GALNTL6: variants seen among roughly 807,000 people sequenced by gnomAD.
The protein encoded by GALNTL6 is polypeptide N-acetylgalactosaminyltransferase like 6.
GALNTL6 carries 46 observed loss-of-function variants against 73.7 expected under a neutral mutation model. That is an observed-to-expected ratio of 0.62 (90% CI 0.49 to 0.80). The LOEUF is 0.80. Among genes scored for constraint, GALNTL6 ranks in the 30% least tolerant of loss-of-function variants. The pLI is 0.00. For missense variants in GALNTL6, 604 were observed against 755.0 expected (o/e 0.80, Z 2.34); for synonymous variants, 259 against 263.7 (o/e 0.98, Z 0.17).
chr4:172,850,761 G>A (rs1743772751), intron 7 of GALNTL6, among the ~76,000 whole-genome samples: 1 of 152,082 alleles, frequency 6.6e-6, no homozygotes. Flanking sequence ...CCCCTTTTAC[G>A]GGTTCTATTA....
At chr4:173,004,063 A>G (rs1320698562) in intron 10 of GALNTL6, among the ~76,000 whole-genome samples, 2 of 152,208 alleles carry the variant, frequency 1.3e-5, no homozygotes, top group African/African-American at 2.4e-5. Context: ...AGCTTTAAAA[A>G]GGACAGGAGG....
At chr4:172,728,795 T>C (rs566035129) in intron 5 of GALNTL6, among the ~76,000 whole-genome samples, 86 of 152,312 alleles carry the variant, frequency 5.6e-4, no homozygotes, top group African/African-American at 2.0e-3. Flanking sequence ...TTTGAGGAGA[T>C]TCCATAATGT....
intron 5 of GALNTL6, among the ~76,000 whole-genome samples, chr4:172,641,913 G>GC (rs1740000624): frequency 6.6e-6 from 1 of 151,908 alleles, no homozygotes; most frequent in South Asian, 2.1e-4. Flanking sequence ...GAAAAAATGG[G>GC]CGGAGGACCT....
intron 2 of GALNTL6, among the ~76,000 whole-genome samples, chr4:172,179,734 G>A (rs1427884146): frequency 6.6e-6 from 1 of 151,598 alleles, no homozygotes; most frequent in Non-Finnish European, 1.5e-5. Context: ...CCTTGCCCAT[G>A]CCTATGTCCT....
At chr4:172,048,787 C>G (rs1301061665) in intron 2 of GALNTL6, among the ~76,000 whole-genome samples, 2 of 151,808 alleles carry the variant, frequency 1.3e-5, no homozygotes, top group African/African-American at 2.4e-5. Flanking sequence ...ATTCTTGCAG[C>G]CCCATGCCAA....
rs548460150 is a variant in GALNTL6 at position 172,430,683 on chromosome 4, T to C, written c.553+81994T>C. On this transcript the variant is annotated intron_variant, in intron 5 of 12. Coordinates refer to ENST00000506823, the MANE Select transcript of GALNTL6 (RefSeq NM_001034845.3). ...AGCTTGGCTTGGTGGTACACTCCTATAGTACCAGCTACTCGGGAGGCTGAG... is the reference window on the plus strand; with the variant it reads ...AGCTTGGCTTGGTGGTACACTCCTACAGTACCAGCTACTCGGGAGGCTGAG... Among the ~76,000 whole-genome samples, 3 of 152,188 alleles carry C rather than the reference T, an allele frequency of 2.0e-5. No homozygotes were observed. In the East Asian group the frequency reaches 5.8e-4, roughly 29 times the overall value.
chr4:172,432,270 T>A (rs896340157), intron 5 of GALNTL6, among the ~76,000 whole-genome samples: 8 of 151,468 alleles, frequency 5.3e-5, no homozygotes, highest in Admixed American at 4.0e-4. Flanking sequence ...GTTATATGAG[T>A]GTGGTCTAGT....
chr4:172,160,671 C>T (rs891991528), intron 2 of GALNTL6, among the ~76,000 whole-genome samples: 6 of 151,800 alleles, frequency 4.0e-5, no homozygotes, highest in African/African-American at 9.7e-5. Context: ...GAAATGTGGT[C>T]CCGAAGAGGA....
At chr4:172,495,155 C>T (rs1257241976) in intron 5 of GALNTL6, among the ~76,000 whole-genome samples, 2 of 152,096 alleles carry the variant, frequency 1.3e-5, no homozygotes, top group African/African-American at 4.8e-5. Context: ...ACAAATTAAG[C>T]ATGCTCACAT....
At chr4:172,864,329 C>T (rs1338758445) in intron 7 of GALNTL6, among the ~76,000 whole-genome samples, 1 of 152,170 alleles carries the variant, frequency 6.6e-6, no homozygotes, top group Non-Finnish European at 1.5e-5. Context: ...TAGCATTCAT[C>T]AATGCTTTCT....
intron 5 of GALNTL6, among the ~76,000 whole-genome samples, chr4:172,383,173 T>C (rs1420627154): frequency 6.6e-6 from 1 of 152,122 alleles, no homozygotes; most frequent in African/African-American, 2.4e-5. Flanking sequence ...AAAAAGGTAA[T>C]TGATTTTTTT....
At chr4:171,856,277 AT>A (rs35607036) in intron 2 of GALNTL6, among the ~76,000 whole-genome samples, 7,868 of 145,318 alleles carry the variant, frequency 0.054, 553 homozygotes, top group African/African-American at 0.16. Context: ...TACTTTTTGT[AT>A]TTTTTTTTTT....
chr4:172,759,690 C>A (rs1737954147), intron 5 of GALNTL6, among the ~76,000 whole-genome samples: 1 of 152,082 alleles, frequency 6.6e-6, no homozygotes, highest in African/African-American at 2.4e-5. Flanking sequence ...GTATCCCATA[C>A]TCTCAGGTAC....
chr4:171,845,872 A>G (rs1872522), intron 2 of GALNTL6, among the ~76,000 whole-genome samples: 112,706 of 152,100 alleles, frequency 0.74, 41,984 homozygotes, highest in South Asian at 0.87. Flanking sequence ...GTGTTCCATT[A>G]TGTAATTCAT....
At chr4:172,674,794 T>C (rs1053849199) in intron 5 of GALNTL6, among the ~76,000 whole-genome samples, 1 of 152,202 alleles carries the variant, frequency 6.6e-6, no homozygotes, top group Admixed American at 6.5e-5. Context: ...ATTATAAAAT[T>C]GATGTAGTAT....
At chr4:172,069,580 ATAT>A (rs1289293082) in intron 2 of GALNTL6, among the ~76,000 whole-genome samples, 5 of 32,372 alleles carry the variant, frequency 1.5e-4, no homozygotes, top group Admixed American at 4.2e-4. Context: ...TATATGTTAT[ATAT>A]TATATATATA....
chr4:171,963,470 A>G (rs1272198539), intron 2 of GALNTL6, among the ~76,000 whole-genome samples: 1 of 152,226 alleles, frequency 6.6e-6, no homozygotes, highest in Non-Finnish European at 1.5e-5. Flanking sequence ...AGTGTTATTT[A>G]AAGAGTGGAA....
chr4:172,534,045 C>A (rs1217330129), intron 5 of GALNTL6, among the ~76,000 whole-genome samples: 2 of 152,138 alleles, frequency 1.3e-5, no homozygotes, highest in African/African-American at 2.4e-5. Context: ...AGAAGTGATT[C>A]CAAGGAGGCA....
intron 2 of GALNTL6, among the ~76,000 whole-genome samples, chr4:171,841,727 AT>A (rs34411879): frequency 0.51 from 77,698 of 151,734 alleles, 22,723 homozygotes; most frequent in Non-Finnish European, 0.65. Flanking sequence ...AATGGTTAAA[AT>A]AGTATGTAAA....
Sources: gnomAD v4.1 joint callset for allele counts (sites outside exome capture counted in the v4.1 genomes callset) on GRCh38, gnomAD v4.1.1 for gene constraint, MANE v1.5 for transcripts, NCBI Gene and HGNC (gene_info 2026-07-23, HGNC 2026-07-21) for gene names.